Variants in PLCL1 observed in about 807,000 individuals in gnomAD.
PLCL1 encodes inactive phospholipase C-like protein 1.
A neutral mutation model predicts 84.4 loss-of-function variants in PLCL1; 41 were observed. The observed-to-expected ratio is 0.49, with a 90% CI of 0.38 to 0.63. The LOEUF (loss-of-function observed/expected upper bound fraction) is 0.63, where lower values mean the gene tolerates loss of function less well. PLCL1 is among the 30% of genes least tolerant of loss of function. The probability of loss-of-function intolerance (pLI) is 0.00; values close to 1 mark genes in which losing one functional copy is unlikely to be tolerated. For synonymous variants in PLCL1, 490 were observed against 488.3 expected (o/e 1.00, Z -0.05); for missense variants, 1,206 against 1,367.8 (o/e 0.88, Z 1.87).
intron 1 of PLCL1, among the ~76,000 whole-genome samples, chr2:198,048,612 G>A (rs1173312572): frequency 6.6e-6 from 1 of 152,180 alleles, no homozygotes; most frequent in Non-Finnish European, 1.5e-5. Context: ...AGAGGGAGAA[G>A]GAGAGAGAGT....
intron 1 of PLCL1, among the ~76,000 whole-genome samples, chr2:197,988,044 G>A (rs947323038): frequency 2.6e-5 from 4 of 151,900 alleles, no homozygotes; most frequent in Admixed American, 2.0e-4. Flanking sequence ...AGCAGTGATC[G>A]GTATTGCGGG....
At chr2:197,849,223 T>A (rs368511024) in intron 1 of PLCL1, among the ~76,000 whole-genome samples, 2 of 152,256 alleles carry the variant, frequency 1.3e-5, no homozygotes, top group African/African-American at 4.8e-5. Context: ...TTCTGTCATA[T>A]GTGTAATTGA....
At chr2:198,113,168 G>A (rs2105921424) in intron 5 of PLCL1, among the ~76,000 whole-genome samples, 1 of 151,942 alleles carries the variant, frequency 6.6e-6, no homozygotes, top group South Asian at 2.1e-4. Context: ...GCTAATTAGT[G>A]CAAAATAAAG....
At chr2:197,878,244 A>G (rs1687772414) in intron 1 of PLCL1, among the ~76,000 whole-genome samples, 1 of 152,202 alleles carries the variant, frequency 6.6e-6, no homozygotes, top group Admixed American at 6.5e-5. Flanking sequence ...AGCTGTGCTT[A>G]GATCAGAAGT....
At chr2:197,903,389 A>G (rs1341182791) in intron 1 of PLCL1, among the ~76,000 whole-genome samples, 1 of 151,442 alleles carries the variant, frequency 6.6e-6, no homozygotes, top group Non-Finnish European at 1.5e-5. Flanking sequence ...AATAAATCTC[A>G]GAGGAATATC....
chr2:197,818,039 C>T (rs913923342), intron 1 of PLCL1, among the ~76,000 whole-genome samples: 1 of 151,956 alleles, frequency 6.6e-6, no homozygotes, highest in South Asian at 2.1e-4. Flanking sequence ...TCTGGGTTGT[C>T]GATAGTGATG....
intron 1 of PLCL1, among the ~76,000 whole-genome samples, chr2:197,815,341 A>G (rs1365954384): frequency 6.6e-6 from 1 of 152,160 alleles, no homozygotes; most frequent in Non-Finnish European, 1.5e-5. Context: ...AGCATGATAT[A>G]CTAAATATTT....
At chr2:197,807,980 A>G (rs1001865759) in intron 1 of PLCL1, among the ~76,000 whole-genome samples, 14 of 152,344 alleles carry the variant, frequency 9.2e-5, no homozygotes, top group Non-Finnish European at 1.8e-4. Context: ...ACATGTGTTT[A>G]GTTGAAAAAA....
At chr2:198,117,271 G>C (rs908241755) in intron 5 of PLCL1, among the ~76,000 whole-genome samples, 2 of 150,798 alleles carry the variant, frequency 1.3e-5, no homozygotes, top group Non-Finnish European at 3.0e-5. Flanking sequence ...TTGGGTTTCA[G>C]CAACAAATTC....
At chr2:197,809,386 A>G (rs1690539172) in intron 1 of PLCL1, among the ~76,000 whole-genome samples, 1 of 152,222 alleles carries the variant, frequency 6.6e-6, no homozygotes, top group African/African-American at 2.4e-5. Flanking sequence ...CAACACTTCT[A>G]GGTTTGAAAC....
intron 1 of PLCL1, among the ~76,000 whole-genome samples, chr2:197,956,638 T>C (rs1024158277): frequency 6.6e-6 from 1 of 152,178 alleles, no homozygotes; most frequent in East Asian, 1.9e-4. Context: ...TGGTATATCA[T>C]TGTGGTTTTG....
At chr2:197,817,955 C>T (rs1690724692) in intron 1 of PLCL1, among the ~76,000 whole-genome samples, 1 of 152,050 alleles carries the variant, frequency 6.6e-6, no homozygotes, top group Non-Finnish European at 1.5e-5. Context: ...CACCTTAACA[C>T]ACTTAGCAGT....
At chr2:198,058,784 T>C (rs1692123994) in intron 1 of PLCL1, among the ~76,000 whole-genome samples, 1 of 152,190 alleles carries the variant, frequency 6.6e-6, no homozygotes, top group African/African-American at 2.4e-5. Context: ...TATAAAGACA[T>C]ATGATTGCTT....
intron 1 of PLCL1, among the ~76,000 whole-genome samples, chr2:197,843,150 G>GAGT (rs1687044465): frequency 6.6e-6 from 1 of 152,178 alleles, no homozygotes; most frequent in African/African-American, 2.4e-5. Context: ...TTGTGGCAAT[G>GAGT]AGTAGGTCTA....
chr2:197,962,006 G>A (rs1348816703), intron 1 of PLCL1, among the ~76,000 whole-genome samples: 3 of 152,014 alleles, frequency 2.0e-5, no homozygotes, highest in African/African-American at 7.2e-5. Context: ...GCTATCCTTG[G>A]AATGTATATG....
intron 5 of PLCL1, among the ~76,000 whole-genome samples, chr2:198,124,877 CCAATG>C (rs1163325304): frequency 1.3e-5 from 2 of 152,070 alleles, no homozygotes; most frequent in African/African-American, 4.8e-5. Context: ...CCCGTGCTGT[CCAATG>C]CAGAAAGCAC....
At chr2:197,944,183 A>T (rs1689224649) in intron 1 of PLCL1, among the ~76,000 whole-genome samples, 1 of 152,140 alleles carries the variant, frequency 6.6e-6, no homozygotes, top group Non-Finnish European at 1.5e-5. Context: ...TTTTTCACTG[A>T]GGCCCTCTCA....
intron 5 of PLCL1, among the ~76,000 whole-genome samples, chr2:198,117,167 G>C (rs1440925831): frequency 6.6e-6 from 1 of 151,772 alleles, no homozygotes; most frequent in Non-Finnish European, 1.5e-5. Context: ...AATAAATCTA[G>C]TCTCAGAAAG....
chr2:197,966,659 T>A (rs1689744001), intron 1 of PLCL1, among the ~76,000 whole-genome samples: 1 of 152,140 alleles, frequency 6.6e-6, no homozygotes, highest in African/African-American at 2.4e-5. Flanking sequence ...CTGCCTTTCC[T>A]ACTTCTTCAG....
Sources: allele counts gnomAD v4.1 joint callset (sites outside exome capture counted in the v4.1 genomes callset), GRCh38; gene constraint gnomAD v4.1.1; transcripts MANE v1.5; gene names NCBI Gene and HGNC (gene_info 2026-07-23, HGNC 2026-07-21).